EPHA5: variants seen among roughly 807,000 people sequenced by gnomAD.
EPHA5 encodes ephrin type-A receptor 5.
EPHA5 carries 60 observed loss-of-function variants against 105.0 expected under a neutral mutation model. The ratio of observed to expected loss-of-function variants is 0.57; its 90% CI spans 0.46 to 0.71. The LOEUF is 0.71. Ranked by LOEUF, EPHA5 falls within the 30% of genes least tolerant of loss-of-function variation. The pLI, the probability that EPHA5 is intolerant of heterozygous loss-of-function variation, is 0.00. For synonymous variants in EPHA5, 513 were observed against 449.1 expected, an observed-to-expected ratio of 1.14 and a Z score of -1.80; for missense variants, 1,218 against 1,274.7, an observed-to-expected ratio of 0.96 and a Z score of 0.68.
chr4:65,664,247 C>A (rs566016636), intron 1 of EPHA5, among the ~76,000 whole-genome samples: 5 of 151,982 alleles, frequency 3.3e-5, no homozygotes, highest in African/African-American at 1.2e-4. Flanking sequence ...ATTATTTAGA[C>A]TAGATTTTCA....
intron 8 of EPHA5, among the ~76,000 whole-genome samples, chr4:65,398,489 G>T (rs1004846821): frequency 1.3e-5 from 2 of 152,186 alleles, no homozygotes; most frequent in Non-Finnish European, 2.9e-5. Flanking sequence ...TGGCTCCCCA[G>T]TGAAGCCTCA....
At chr4:65,387,152 C>G (rs866229738) in intron 8 of EPHA5, among the ~76,000 whole-genome samples, 1 of 151,712 alleles carries the variant, frequency 6.6e-6, no homozygotes, top group African/African-American at 2.4e-5. Flanking sequence ...GGGGGTTGGG[C>G]GGTAAGTGGA....
At chr4:65,650,654 T>C (rs1202366821) in intron 1 of EPHA5, among the ~76,000 whole-genome samples, 2 of 152,012 alleles carry the variant, frequency 1.3e-5, no homozygotes, top group Non-Finnish European at 2.9e-5. Context: ...ATTGAATCAT[T>C]GACCAAATCC....
chr4:65,566,427 TAC>T (rs1739539190), intron 3 of EPHA5, among the ~76,000 whole-genome samples: 1 of 151,802 alleles, frequency 6.6e-6, no homozygotes. Context: ...TCTTTTGAAA[TAC>T]CTTTCCATAT....
rs1443661569 is a variant in EPHA5, at chr4:65,322,969, A to AT, written c.*1144dup. 4.4e-6 allele frequency: 1 copy of AT among 229,108 alleles called. No homozygotes were observed. Among genetic ancestry groups the AT allele is most frequent in the African/African-American group, 2.2e-5 (1 of 45,040 alleles). The allele number at this position is 229,108 out of a possible 1,614,324, so 14.2% of individuals were successfully genotyped here. A position where few individuals can be genotyped will look rare whatever the true frequency, so the allele number is the denominator to read the frequency against. On this transcript the variant is annotated 3_prime_UTR_variant, in exon 17 of 17. Coordinates refer to ENST00000613740, the MANE Select transcript of EPHA5 (RefSeq NM_001281766.3). ...GTGATGCTTCGTGCTATGTGCCTGG[A>AT]TTTAACAACATTAACAGAAGCCTGC...
At chr4:65,580,607 CAAATA>C (rs886951348) in intron 3 of EPHA5, among the ~76,000 whole-genome samples, 7 of 151,394 alleles carry the variant, frequency 4.6e-5, no homozygotes, top group Non-Finnish European at 7.4e-5. Flanking sequence ...AAACACATAT[CAAATA>C]AAATAAAATA....
intron 14 of EPHA5, among the ~76,000 whole-genome samples, chr4:65,347,226 A>C (rs561914975): frequency 6.6e-6 from 1 of 152,308 alleles, no homozygotes; most frequent in African/African-American, 2.4e-5. Context: ...AAAACTGTTC[A>C]ATATACTAGC....
chr4:65,585,799 T>G (rs1414084534), intron 3 of EPHA5, among the ~76,000 whole-genome samples: 1 of 151,692 alleles, frequency 6.6e-6, no homozygotes, highest in Non-Finnish European at 1.5e-5. Flanking sequence ...TTAGGAACAA[T>G]TTACACAAAA....
chr4:65,594,993 T>C (rs550661392), intron 3 of EPHA5, among the ~76,000 whole-genome samples: 3 of 152,210 alleles, frequency 2.0e-5, no homozygotes, highest in African/African-American at 7.2e-5. Flanking sequence ...AGCAAATACA[T>C]TTTTAAAGTG....
chr4:65,501,351 G>A (rs1732468560), intron 3 of EPHA5, among the ~76,000 whole-genome samples: 1 of 151,314 alleles, frequency 6.6e-6, no homozygotes, highest in African/African-American at 2.4e-5. Flanking sequence ...TATGTACTTA[G>A]AAAACCCTAG....
At chr4:65,537,088 G>A (rs920197625) in intron 3 of EPHA5, among the ~76,000 whole-genome samples, 1 of 151,712 alleles carries the variant, frequency 6.6e-6, no homozygotes, top group Non-Finnish European at 1.5e-5. Context: ...TTTCTCACAG[G>A]AGAGAAATAG....
Position 65,348,155 on chromosome 4 carries a change from G to A in EPHA5, c.2494C>T (p.Arg832Ter), listed in dbSNP as rs1383933498. 3.7e-6 allele frequency: 6 copies of A among 1,613,408 alleles called. No homozygotes were observed. Among genetic ancestry groups the A allele is most frequent in the Non-Finnish European group, 5.1e-6 (6 of 1,179,782 alleles). The change falls in exon 14 of 17, where the codon CGA becomes TGA. Residue 832 changes from arginine (R) to a stop codon, truncating the protein, a stop_gained. Transcript: ENST00000613740. LOFTEE classifies it high-confidence loss of function. ...RWTAPEAIAF[R>*]KFTSASDVWS... ...ACATCACTGGCAGAAGTAAACTTTC[G>A]GAAAGCTATTGCTTCTGGGGCAGTC...
chr4:65,508,815 A>G (rs1416915399), intron 3 of EPHA5, among the ~76,000 whole-genome samples: 3 of 152,104 alleles, frequency 2.0e-5, no homozygotes, highest in African/African-American at 7.2e-5. Flanking sequence ...AAAAACAAAA[A>G]GAAGTGTTAA....
intron 3 of EPHA5, among the ~76,000 whole-genome samples, chr4:65,580,696 C>T (rs749312719): frequency 4.7e-4 from 71 of 151,814 alleles, no homozygotes; most frequent in Non-Finnish European, 9.0e-4. Context: ...CCCTCCTCCC[C>T]TGTCCCTCAA....
intron 3 of EPHA5, among the ~76,000 whole-genome samples, chr4:65,592,319 C>T (rs1168420871): frequency 6.6e-6 from 1 of 151,974 alleles, no homozygotes; most frequent in Non-Finnish European, 1.5e-5. Context: ...GTGGTGAGTG[C>T]CAGAGCATAT....
intron 1 of EPHA5, among the ~76,000 whole-genome samples, chr4:65,660,616 A>G (rs571794561): frequency 4.5e-4 from 68 of 152,214 alleles, no homozygotes; most frequent in African/African-American, 1.6e-3. Flanking sequence ...AACCTTTTGG[A>G]TGTACCTTTA....
intron 3 of EPHA5, among the ~76,000 whole-genome samples, chr4:65,569,673 A>G (rs1739918048): frequency 6.6e-6 from 1 of 151,758 alleles, no homozygotes; most frequent in Non-Finnish European, 1.5e-5. Context: ...GCAAAAACAA[A>G]ATGAATGACC....
intron 2 of EPHA5, among the ~76,000 whole-genome samples, chr4:65,627,386 T>C (rs528984217): frequency 6.6e-6 from 1 of 152,296 alleles, no homozygotes; most frequent in Admixed American, 6.5e-5. Flanking sequence ...ATCTGTTTAA[T>C]ACCATTTAAC....
At chr4:65,656,205 A>C (rs1289586984) in intron 1 of EPHA5, among the ~76,000 whole-genome samples, 1 of 151,208 alleles carries the variant, frequency 6.6e-6, no homozygotes, top group East Asian at 1.9e-4. Context: ...ACAATGACTC[A>C]TACAAGAATC....
Sources: gnomAD v4.1 joint callset for allele counts (sites outside exome capture counted in the v4.1 genomes callset) on GRCh38, gnomAD v4.1.1 for gene constraint, MANE v1.5 for transcripts, NCBI Gene and HGNC (gene_info 2026-07-23, HGNC 2026-07-21) for gene names.